Variants in HOOK2 observed in about 807,000 individuals in gnomAD.
HOOK2 encodes the protein protein Hook homolog 2.
HOOK2 carries 108 observed loss-of-function variants against 111.9 expected under a neutral mutation model. That is an observed-to-expected ratio of 0.96 (90% CI 0.83 to 1.13). The LOEUF is 1.13. HOOK2 is among the 50% of genes most tolerant of loss of function. The probability of loss-of-function intolerance (pLI) is 0.00; values close to 1 mark genes in which losing one functional copy is unlikely to be tolerated. For missense variants in HOOK2, 978 were observed against 951.3 expected, an observed-to-expected ratio of 1.03 and a Z score of -0.37; for synonymous variants, 405 against 394.3, an observed-to-expected ratio of 1.03 and a Z score of -0.32.
At chr19:12,767,758 G>A in intron 13 of HOOK2, 58 bp downstream of exon 13, 3 of 1,507,618 alleles carry the variant, frequency 2.0e-6, no homozygotes, top group South Asian at 1.2e-5. Context: ...GACACAACCT[G>A]TTCTACCCAA....
chr19:12,788,861 G>A (rs540235278), intron 3 of HOOK2, among the ~76,000 whole-genome samples: 1 of 152,180 alleles, frequency 6.6e-6, no homozygotes, highest in Non-Finnish European at 1.5e-5. Context: ...AGCCTGGGGA[G>A]GGGGAGGGGA....
upstream of HOOK2, among the ~76,000 whole-genome samples, chr19:12,776,320 G>A (rs985250912): frequency 2.0e-5 from 3 of 152,022 alleles, no homozygotes; most frequent in East Asian, 2.0e-4. Context: ...TGTAATCCCA[G>A]TATTTTGGGA....
chr19:12,779,794 G>T (rs1222706892), upstream of HOOK2, among the ~76,000 whole-genome samples: 2 of 150,922 alleles, frequency 1.3e-5, no homozygotes, highest in East Asian at 3.9e-4. Flanking sequence ...GGGAGGGCTG[G>T]TTTCGGGGAC....
In HOOK2 at chr19:12,765,159, C is replaced by T. The variant is rs1321750589; in HGVS notation, c.1641-78G>A. ...TTGTCCCAGTGGTAGCCACAGACCT[C>T]CCCGCCAGCCAGAAATGCCCCTACA... On this transcript the variant is annotated intron_variant, in intron 18 of 22. Coordinates refer to ENST00000397668, the MANE Select transcript of HOOK2 (RefSeq NM_013312.3). 8 of 1,411,656 alleles carry T rather than the reference C, an allele frequency of 5.7e-6. No homozygotes were observed. The East Asian group carries it at 1.6e-4, about 28-fold the overall frequency. The allele number at this position is 1,411,656 out of a possible 1,614,324, so 87.4% of individuals were successfully genotyped here.
upstream of HOOK2, among the ~76,000 whole-genome samples, chr19:12,781,556 G>A (rs1968602674): frequency 6.6e-6 from 1 of 152,006 alleles, no homozygotes; most frequent in South Asian, 2.1e-4. Flanking sequence ...TCGATCTCCA[G>A]ACCTCCTGAT....
In HOOK2 at chr19:12,771,153, C is replaced by A. The variant is rs370908636; in HGVS notation, c.761+6G>T. ...CTTGCCTGGCCCAGTCCCCAGCTGA[C>A]CACACCTGAAGTTCTCCTCCTGCAA... On this transcript the variant is annotated splice_donor_region_variant and intron_variant, in intron 9 of 22. Coordinates refer to ENST00000397668, the MANE Select transcript of HOOK2 (RefSeq NM_013312.3). The A allele has an allele frequency of 9.3e-6, 15 of 1,613,404 alleles. No individual in the cohort carries two copies. The East Asian group carries it at 1.8e-4, about 19-fold the overall frequency.
Position 12,791,104 on chromosome 19 carries a change from A to G in HOOK2, n.42-16879T>C, listed in dbSNP as rs1968707428. ...CTCCTACCCCTCTCGTATTCTGGGTACCTCAGGGGTTTCTTCGCACATACT... is the reference window on the plus strand; with the variant it reads ...CTCCTACCCCTCTCGTATTCTGGGTGCCTCAGGGGTTTCTTCGCACATACT... On this transcript the variant is annotated intron_variant and non_coding_transcript_variant, in intron 3 of 3. Transcript: ENST00000589765. This position sits in a 1 kb window ranked among gnomAD's most constrained non-coding sequence, Gnocchi z 7.0. Among the ~76,000 whole-genome samples the G allele has an allele frequency of 1.3e-5, 2 of 152,046 alleles. No homozygotes were observed. Among genetic ancestry groups the G allele is most frequent in the African/African-American group, 4.8e-5 (2 of 41,390 alleles).
At chr19:12,792,197 C>A in intron 3 of HOOK2, 2 of 1,574,844 alleles carry the variant, frequency 1.3e-6, no homozygotes, top group East Asian at 4.6e-5. Context: ...TTGTCAAAGC[C>A]CTGGACGATC....
upstream of HOOK2, among the ~76,000 whole-genome samples, chr19:12,779,321 C>T (rs1462794748): frequency 6.6e-6 from 1 of 152,046 alleles, no homozygotes; most frequent in East Asian, 1.9e-4. Flanking sequence ...AGAAGGGGAC[C>T]CTCAGTCCCA....
chr19:12,789,031 C>G (rs946544895), intron 3 of HOOK2, among the ~76,000 whole-genome samples: 1 of 152,188 alleles, frequency 6.6e-6, no homozygotes, highest in East Asian at 1.9e-4. Context: ...TTTTTCGCCT[C>G]TTTCGTTTTC....
chr19:12,769,957 T>G lies in HOOK2; in HGVS notation c.1028A>C (p.Glu343Ala). Residue 343 changes from glutamate (E) to alanine (A), a missense_variant, in exon 11 of 23, where the codon GAG (glutamate) becomes GCG (alanine). Coordinates refer to ENST00000397668, the MANE Select transcript of HOOK2 (RefSeq NM_013312.3). ...CTCATCCTCCAGTTGTCGCGTGCGC[T>G]CGGCGTGGCCGGCGTTGCGTTCCTC... Reference protein sequence around the residue: ...QLEERNAGHAERTRQLEDELR... With the variant: ...QLEERNAGHAARTRQLEDELR... The G allele has an allele frequency of 6.4e-7, 1 of 1,555,970 alleles. No individual in the cohort carries two copies. The highest frequency in any genetic ancestry group is 8.6e-7 in the Non-Finnish European group (1 of 1,157,754).
upstream of HOOK2, chr19:12,775,726 G>C (rs1968487965): frequency 2.9e-6 from 1 of 347,556 alleles, no homozygotes; most frequent in Non-Finnish European, 5.1e-6. Flanking sequence ...GCCTGGCCCA[G>C]CCTTGTGCAT....
At chr19:12,787,826 G>C (rs945530049) in intron 3 of HOOK2, among the ~76,000 whole-genome samples, 30 of 152,044 alleles carry the variant, frequency 2.0e-4, no homozygotes, top group African/African-American at 6.0e-4. Flanking sequence ...GGAGACTCAG[G>C]CGGGCTGATC....
intron 3 of HOOK2, among the ~76,000 whole-genome samples, chr19:12,785,922 TG>T (rs1968651211): frequency 6.6e-6 from 1 of 152,012 alleles, no homozygotes; most frequent in South Asian, 2.1e-4. Context: ...CCTGCTGGGG[TG>T]GGGGCCTGCT....
chr19:12,781,859 G>A (rs1204830140), upstream of HOOK2, among the ~76,000 whole-genome samples: 1 of 145,126 alleles, frequency 6.9e-6, no homozygotes, highest in Non-Finnish European at 1.5e-5. Flanking sequence ...TTTTTCTTTT[G>A]AGACGGGGTC....
chr19:12,775,991 C>T (rs986519972), upstream of HOOK2, among the ~76,000 whole-genome samples: 3 of 147,446 alleles, frequency 2.0e-5, no homozygotes, highest in African/African-American at 7.7e-5. Context: ...CATTCTCCTG[C>T]CTCAGCCTCC....
Position 12,763,127 on chromosome 19 carries a change from T to TG in HOOK2, c.*154_*155insC. The TG allele has an allele frequency of 9.7e-6, 6 of 618,232 alleles. No homozygotes were observed. The highest frequency in any genetic ancestry group is 3.0e-5 in the East Asian group (1 of 32,800). 38.3% of individuals were successfully genotyped at this position (618,232 alleles called of 1,614,324 possible). A position where few individuals can be genotyped will look rare whatever the true frequency, so the allele number is the denominator to read the frequency against. Reference sequence around the variant, plus strand: ...TAAAAAGAACAGGCCTATATCTACCTCCCGCCCTCCCTCCCCACCAATCTG... The same window carrying TG: ...TAAAAAGAACAGGCCTATATCTACCTGCCCGCCCTCCCTCCCCACCAATCTG... On this transcript the variant is annotated 3_prime_UTR_variant, in exon 23 of 23. Coordinates refer to ENST00000397668, the MANE Select transcript of HOOK2 (RefSeq NM_013312.3).
intron 3 of HOOK2, 32 bp downstream of exon 3, chr19:12,774,637 G>C: frequency 6.2e-7 from 1 of 1,610,636 alleles, no homozygotes; most frequent in Non-Finnish European, 8.5e-7. Context: ...CTCTTCACCA[G>C]TCTGTCCTCT....
At chr19:12,765,317 ACTT>A in intron 18 of HOOK2, 2 of 598,572 alleles carry the variant, frequency 3.3e-6, no homozygotes, top group Non-Finnish European at 5.9e-6. Context: ...CCTGCTGTCC[ACTT>A]CTTCCCATCC....
Sources: allele counts gnomAD v4.1 joint callset (sites outside exome capture counted in the v4.1 genomes callset), GRCh38; gene constraint gnomAD v4.1.1; non-coding constraint Gnocchi (gnomAD v3.1); transcripts MANE v1.5; gene names NCBI Gene and HGNC (gene_info 2026-07-23, HGNC 2026-07-21).